Variants in TXNRD1 observed in about 807,000 individuals in gnomAD.
TXNRD1 encodes thioredoxin reductase 1.
A neutral mutation model predicts 80.3 loss-of-function variants in TXNRD1; 57 were observed. That is an observed-to-expected ratio of 0.71 (90% CI 0.57 to 0.89). The LOEUF (loss-of-function observed/expected upper bound fraction) is 0.89. Among genes scored for constraint, TXNRD1 ranks in the 40% least tolerant of loss-of-function variants. The pLI is 0.00. For synonymous variants in TXNRD1, 291 were observed against 285.2 expected (o/e 1.02, Z -0.20); for missense variants, 730 against 803.0 (o/e 0.91, Z 1.10).
intron 16 of TXNRD1, among the ~76,000 whole-genome samples, chr12:104,340,918 C>T (rs766917073): frequency 4.6e-5 from 7 of 151,964 alleles, no homozygotes; most frequent in Non-Finnish European, 8.8e-5. Context: ...TTGATAGGGA[C>T]GAAGGAAAAG....
In TXNRD1 at chr12:104,290,978, C is replaced by T. The variant is rs781262874; in HGVS notation, c.414+1938C>T. The T allele has an allele frequency of 4.6e-6, 3 of 652,770 alleles. No homozygotes were observed. In the South Asian group the frequency reaches 5.1e-5, roughly 11 times the overall value. 40.4% of individuals were successfully genotyped at this position (652,770 alleles called of 1,614,324 possible). A position where few individuals can be genotyped will look rare whatever the true frequency, so the allele number is the denominator to read the frequency against. On this transcript the variant is annotated intron_variant, in intron 4 of 16. Transcript: ENST00000525566. ...TTTTTTCTTTTTTTTTAATTGAAAA[C>T]TTTTTTTTCTTTAGAGATGGAGGTC... is the stretch of plus-strand genomic sequence containing the variant.
intron 2 of TXNRD1, among the ~76,000 whole-genome samples, chr12:104,252,771 C>T (rs1364126899): frequency 1.6e-5 from 2 of 125,542 alleles, no homozygotes; most frequent in Non-Finnish European, 3.2e-5. Flanking sequence ...GGCGCGATCT[C>T]AGCTCACTGC....
At chr12:104,258,148 C>T (rs1248272509) in intron 3 of TXNRD1, 69 bp downstream of exon 3, 1 of 1,220,272 alleles carries the variant, frequency 8.2e-7, no homozygotes, top group Non-Finnish European at 1.2e-6. Flanking sequence ...TTCTATCTGG[C>T]TTTAATTTGT....
In TXNRD1 at chr12:104,310,212, C is replaced by A. The variant is rs530745545; in HGVS notation, c.415-1078C>A. On this transcript the variant is annotated intron_variant, in intron 4 of 16. Transcript: ENST00000525566. ...ACTCCCAGGCTGGAGTGCAGTGGCGCAATCTTGGCTCACTGCAACGTCTGC... is the reference window on the plus strand; with the variant it reads ...ACTCCCAGGCTGGAGTGCAGTGGCGAAATCTTGGCTCACTGCAACGTCTGC... 5 of 1,154,756 alleles carry A rather than the reference C, an allele frequency of 4.3e-6. No homozygotes were observed. The Admixed American group carries it at 1.5e-4, about 34-fold the overall frequency. The allele number at this position is 1,154,756 out of a possible 1,614,324, so 71.5% of individuals were successfully genotyped here.
At chr12:104,221,589 A>G (rs1430316175) in intron 1 of TXNRD1, among the ~76,000 whole-genome samples, 1 of 152,176 alleles carries the variant, frequency 6.6e-6, no homozygotes, top group Non-Finnish European at 1.5e-5. Context: ...AAGTGCTGAG[A>G]TTATAGGCAT....
At chr12:104,318,376 C>T (rs2035404907) in intron 7 of TXNRD1, among the ~76,000 whole-genome samples, 1 of 152,144 alleles carries the variant, frequency 6.6e-6, no homozygotes, top group Admixed American at 6.5e-5. Flanking sequence ...CATAGGGTCT[C>T]TAGTAGCTAC....
intron 15 of TXNRD1, among the ~76,000 whole-genome samples, chr12:104,338,532 T>TA (rs2036218269): frequency 6.6e-6 from 1 of 150,918 alleles, no homozygotes; most frequent in South Asian, 2.1e-4. Context: ...CCGTCTCTAC[T>TA]AAAAATACAA....
intron 4 of TXNRD1, among the ~76,000 whole-genome samples, chr12:104,303,000 G>C (rs2034701441): frequency 6.6e-6 from 1 of 152,190 alleles, no homozygotes; most frequent in Non-Finnish European, 1.5e-5. Flanking sequence ...AGGGTTCAGA[G>C]TTACTACCCA....
chr12:104,242,262 T>C (rs1221927767), intron 1 of TXNRD1, among the ~76,000 whole-genome samples: 1 of 150,996 alleles, frequency 6.6e-6, no homozygotes, highest in East Asian at 2.0e-4. Flanking sequence ...TTAAAAGCTC[T>C]GTAGTGTCTG....
At chr12:104,242,547 TA>T (rs375560938) in intron 1 of TXNRD1, among the ~76,000 whole-genome samples, 10,870 of 142,350 alleles carry the variant, frequency 0.076, 431 homozygotes, top group Non-Finnish European at 0.1. Context: ...AAACTCCGTC[TA>T]AAAAAAAAAA....
intron 3 of TXNRD1, chr12:104,280,416 C>G (rs1315319690): frequency 6.6e-6 from 1 of 152,318 alleles, no homozygotes; most frequent in Non-Finnish European, 1.5e-5. Flanking sequence ...GGCTCCATTG[C>G]TGGGTTCTTT....
At chr12:104,259,061 A>C (rs1050035648) in intron 3 of TXNRD1, among the ~76,000 whole-genome samples, 1 of 152,090 alleles carries the variant, frequency 6.6e-6, no homozygotes, top group African/African-American at 2.4e-5. Context: ...GGGCATTGAC[A>C]GCTTCTGCTC....
rs34400412 is a variant in TXNRD1 at position 104,247,610 on chromosome 12, CTATT to C, written c.92-3913_92-3910del. The stretch of plus-strand genomic sequence containing the variant: ...AACCTCTTATGATTTATTTACCTAT[CTATT>C]TATCTTTCCATCTATTTGTACATTT... On this transcript the variant is annotated intron_variant, in intron 1 of 16. Transcript: ENST00000525566. Among the ~76,000 whole-genome samples, 828 of 152,208 alleles carry C rather than the reference CTATT, an allele frequency of 5.4e-3. 7 individuals are homozygous for C. Among genetic ancestry groups the C allele is most frequent in the African/African-American group, 0.018 (764 of 41,526 alleles).
intron 4 of TXNRD1, among the ~76,000 whole-genome samples, chr12:104,294,233 G>GGCGCCCCCCCA (rs60817773): frequency 1.5e-5 from 1 of 68,884 alleles, no homozygotes; most frequent in Non-Finnish European, 2.8e-5. Flanking sequence ...CCGGGGAAAG[G>GGCGCCCCCCCA]CCCCCCCCCC....
At chr12:104,324,487 G>T (rs551357018) in intron 10 of TXNRD1, among the ~76,000 whole-genome samples, 2 of 152,090 alleles carry the variant, frequency 1.3e-5, no homozygotes, top group South Asian at 4.2e-4. Context: ...AAGTAGCTGG[G>T]ACTACAGGCG....
At chr12:104,287,473 G>C (rs1380136938) in intron 3 of TXNRD1, 1 of 1,609,758 alleles carries the variant, frequency 6.2e-7, no homozygotes, top group East Asian at 2.2e-5. Flanking sequence ...TTGAAATGTA[G>C]ATGACAATGT....
intron 9 of TXNRD1, among the ~76,000 whole-genome samples, 165 bp from the exon 10 acceptor site, chr12:104,320,926 T>TA (rs1384701325): frequency 6.6e-6 from 1 of 152,248 alleles, no homozygotes; most frequent in Non-Finnish European, 1.5e-5. Flanking sequence ...AAAGGGTATC[T>TA]AAGAATTATA....
intron 3 of TXNRD1, among the ~76,000 whole-genome samples, chr12:104,277,417 T>G (rs993809241): frequency 1.4e-5 from 2 of 141,758 alleles, no homozygotes; most frequent in African/African-American, 5.5e-5. Flanking sequence ...AAAAAAAAAT[T>G]AGTCAGGCAC....
chr12:104,230,095 A>T (rs910187194), intron 1 of TXNRD1, among the ~76,000 whole-genome samples: 1 of 151,772 alleles, frequency 6.6e-6, no homozygotes, highest in Non-Finnish European at 1.5e-5. Context: ...TTTGAGACAG[A>T]TTCTTGCTCT....
Sources: gnomAD v4.1 joint callset for allele counts (sites outside exome capture counted in the v4.1 genomes callset) on GRCh38, gnomAD v4.1.1 for gene constraint, MANE v1.5 for transcripts, NCBI Gene and HGNC (gene_info 2026-07-23, HGNC 2026-07-21) for gene names.